TMEM117: variants seen among roughly 807,000 people sequenced by gnomAD.
TMEM117 encodes the protein transmembrane protein 117.
In TMEM117, 27 loss-of-function variants were observed where a neutral mutation model predicts 52.4. That is an observed-to-expected ratio of 0.51 (90% CI 0.38 to 0.71). TMEM117 has a LOEUF of 0.71. Among genes scored for constraint, TMEM117 ranks in the 30% least tolerant of loss-of-function variants. TMEM117 has a pLI of 0.00. For synonymous variants in TMEM117, 215 were observed against 206.3 expected, an observed-to-expected ratio of 1.04 and a Z score of -0.36; for missense variants, 556 against 630.5, an observed-to-expected ratio of 0.88 and a Z score of 1.26.
intron 4 of TMEM117, among the ~76,000 whole-genome samples, chr12:44,165,051 C>G (rs1461766433): frequency 6.6e-6 from 1 of 151,916 alleles, no homozygotes; most frequent in Non-Finnish European, 1.5e-5. Flanking sequence ...ATTAACCAAC[C>G]TCTCTCTGTC....
At chr12:44,245,099 A>G (rs1230754233) in intron 5 of TMEM117, among the ~76,000 whole-genome samples, 1 of 151,942 alleles carries the variant, frequency 6.6e-6, no homozygotes, top group Admixed American at 6.6e-5. Context: ...TAACCTTGTA[A>G]TATATTTTGA....
chr12:44,071,505 G>A (rs1218701308), intron 3 of TMEM117, among the ~76,000 whole-genome samples: 1 of 152,142 alleles, frequency 6.6e-6, no homozygotes, highest in African/African-American at 2.4e-5. Flanking sequence ...TTATAACAAC[G>A]TGTGAAAGAT....
chr12:44,069,184 T>A (rs1227648126), intron 3 of TMEM117, among the ~76,000 whole-genome samples: 1 of 152,232 alleles, frequency 6.6e-6, no homozygotes, highest in Non-Finnish European at 1.5e-5. Context: ...TTTTTTAAAA[T>A]GTTACATTTT....
intron 3 of TMEM117, among the ~76,000 whole-genome samples, chr12:44,090,812 T>C (rs1004889315): frequency 2.0e-5 from 3 of 151,052 alleles, no homozygotes; most frequent in South Asian, 2.1e-4. Flanking sequence ...TTTGTTTGTG[T>C]ACTAATTCTT....
At chr12:43,990,149 A>C (rs976284170) in intron 3 of TMEM117, among the ~76,000 whole-genome samples, 6 of 152,292 alleles carry the variant, frequency 3.9e-5, no homozygotes, top group East Asian at 3.9e-4. Context: ...TAGTTCTTGA[A>C]GTAGAGGATA....
chr12:44,187,615 T>A (rs112325070), intron 4 of TMEM117, among the ~76,000 whole-genome samples: 3 of 152,292 alleles, frequency 2.0e-5, no homozygotes, highest in African/African-American at 7.2e-5. Context: ...ACAATGGATA[T>A]GTTGCATTTG....
rs147951667 is a variant in TMEM117 at position 44,130,121 on chromosome 12, G to GT, written c.411-13402dup. Among the ~76,000 whole-genome samples, 1,516 of 152,130 alleles carry GT rather than the reference G, an allele frequency of 1.0e-2. 23 individuals are homozygous for GT. Among genetic ancestry groups the GT allele is most frequent in the African/African-American group, 0.035 (1,439 of 41,460 alleles). The stretch of plus-strand genomic sequence containing the variant: ...CATAAAAAGAAAATAGTTACCATTC[G>GT]TTGAAACTTTGTTATACTAATTGGT... On this transcript the variant is annotated intron_variant, in intron 3 of 7. Transcript: ENST00000266534.
the TMEM117 span, among the ~76,000 whole-genome samples, chr12:43,796,643 A>T: frequency 6.6e-6 from 1 of 152,112 alleles, no homozygotes; most frequent in African/African-American, 2.4e-5. Flanking sequence ...CACTGATGGA[A>T]ATGTCCTATA....
rs545576110 is a variant in TMEM117 at position 44,242,039 on chromosome 12, G to T, written c.608+30652G>T. On this transcript the variant is annotated intron_variant, in intron 5 of 7. Transcript: ENST00000266534. ...GACGTGGCTCTGTTTCTTCCTTCTTGCTCTGCATGGAGTTCAGAAATCTCT... is the reference window on the plus strand; with the variant it reads ...GACGTGGCTCTGTTTCTTCCTTCTTTCTCTGCATGGAGTTCAGAAATCTCT... Among the ~76,000 whole-genome samples, 342 of 151,606 alleles carry T rather than the reference G, an allele frequency of 2.3e-3. 2 individuals carry two copies. Among genetic ancestry groups the T allele is most frequent in the Non-Finnish European group, 4.4e-3 (297 of 67,810 alleles).
At chr12:43,869,503 A>G (rs558419722) in intron 2 of TMEM117, among the ~76,000 whole-genome samples, 1 of 152,330 alleles carries the variant, frequency 6.6e-6, no homozygotes, top group Non-Finnish European at 1.5e-5. Flanking sequence ...TTTTCTACCC[A>G]CTGGTGACAG....
At chr12:43,873,872 A>C (rs1218311628) in intron 2 of TMEM117, among the ~76,000 whole-genome samples, 2 of 152,052 alleles carry the variant, frequency 1.3e-5, no homozygotes, top group Non-Finnish European at 2.9e-5. Flanking sequence ...CCTTAAAGCT[A>C]TCTGCATATA....
At chr12:44,231,574 A>T (rs1342861847) in intron 5 of TMEM117, among the ~76,000 whole-genome samples, 1 of 151,702 alleles carries the variant, frequency 6.6e-6, no homozygotes, top group African/African-American at 2.4e-5. Flanking sequence ...ATATCACTTT[A>T]CACCCCCACA....
At chr12:44,069,860 G>T (rs1947275082) in intron 3 of TMEM117, among the ~76,000 whole-genome samples, 1 of 152,130 alleles carries the variant, frequency 6.6e-6, no homozygotes, top group Admixed American at 6.5e-5. Flanking sequence ...TGAAATCAGG[G>T]ATTCAGGCTC....
intron 3 of TMEM117, among the ~76,000 whole-genome samples, chr12:44,036,497 A>C (rs1356721789): frequency 8.5e-5 from 13 of 152,238 alleles, no homozygotes; most frequent in Non-Finnish European, 2.9e-5. Context: ...TCATACTCAT[A>C]CACTGCCAAG....
chr12:44,095,533 G>A (rs1592511318), intron 3 of TMEM117, among the ~76,000 whole-genome samples: 2 of 152,184 alleles, frequency 1.3e-5, no homozygotes, highest in African/African-American at 4.8e-5. Flanking sequence ...AGGCTGGATA[G>A]TGAGTGTGTA....
intron 6 of TMEM117, among the ~76,000 whole-genome samples, chr12:44,304,989 G>T (rs895244464): frequency 6.6e-6 from 1 of 152,132 alleles, no homozygotes; most frequent in South Asian, 2.1e-4. Flanking sequence ...AGCCGCAGTG[G>T]GGTAGAGCAC....
chr12:43,953,230 C>A (rs1945253193), intron 3 of TMEM117, among the ~76,000 whole-genome samples: 1 of 152,044 alleles, frequency 6.6e-6, no homozygotes, highest in Admixed American at 6.6e-5. Context: ...CACTATGAAA[C>A]AACTACATTA....
intron 5 of TMEM117, among the ~76,000 whole-genome samples, chr12:44,262,100 G>T (rs572583075): frequency 6.6e-6 from 1 of 152,248 alleles, no homozygotes; most frequent in Non-Finnish European, 1.5e-5. Flanking sequence ...AGACTTTCCT[G>T]AATATTTTAT....
At chr12:43,939,310 A>G (rs1406452093) in intron 2 of TMEM117, among the ~76,000 whole-genome samples, 1 of 152,190 alleles carries the variant, frequency 6.6e-6, no homozygotes. Flanking sequence ...AGAAGACTTA[A>G]TGGACAGTAG....
Sources: allele counts gnomAD v4.1 joint callset (sites outside exome capture counted in the v4.1 genomes callset), GRCh38; gene constraint gnomAD v4.1.1; transcripts MANE v1.5; gene names NCBI Gene and HGNC (gene_info 2026-07-23, HGNC 2026-07-21).